The following XKR9 variants were observed in gnomAD, a reference collection of about 807,000 sequenced individuals.
XKR9 encodes XK related 9.
In XKR9, 32 loss-of-function variants were observed where a neutral mutation model predicts 32.0. The observed-to-expected ratio is 1.00, with a 90% CI of 0.76 to 1.34. The LOEUF is 1.34. Among genes scored for constraint, XKR9 ranks in the 40% most tolerant of loss-of-function variants. The probability of loss-of-function intolerance (pLI) is 0.00; values close to 1 mark genes in which losing one functional copy is unlikely to be tolerated. For synonymous variants in XKR9, 168 were observed against 143.4 expected, an observed-to-expected ratio of 1.17 and a Z score of -1.22; for missense variants, 546 against 429.7, an observed-to-expected ratio of 1.27 and a Z score of -2.39.
At chr8:70,747,694 T>A (rs1415923989) in intron 2 of XKR9, among the ~76,000 whole-genome samples, 4 of 152,184 alleles carry the variant, frequency 2.6e-5, no homozygotes, top group Non-Finnish European at 5.9e-5. Context: ...TTAAGATAGA[T>A]AGGTAGAGTC....
the XKR9 span, among the ~76,000 whole-genome samples, chr8:70,852,073 A>G: frequency 2.0e-5 from 3 of 152,264 alleles, no homozygotes; most frequent in Non-Finnish European, 4.4e-5. Flanking sequence ...CAAGGAACTT[A>G]AACAGATTTA....
At chr8:70,992,679 C>A in the XKR9 span, among the ~76,000 whole-genome samples, 1 of 152,206 alleles carries the variant, frequency 6.6e-6, no homozygotes, top group Non-Finnish European at 1.5e-5. Context: ...CTGATATTTC[C>A]TGTTTACTAG....
intron 2 of XKR9, among the ~76,000 whole-genome samples, chr8:70,746,819 T>C (rs535738629): frequency 6.6e-6 from 1 of 152,084 alleles, no homozygotes; most frequent in Non-Finnish European, 1.5e-5. Flanking sequence ...GTTACATTGG[T>C]ATATTATGTG....
chr8:71,022,444 T>C, the XKR9 span, among the ~76,000 whole-genome samples: 1 of 152,154 alleles, frequency 6.6e-6, no homozygotes, highest in African/African-American at 2.4e-5. Context: ...AAATATATTA[T>C]CCCACTCTAT....
chr8:70,869,719 G>A, the XKR9 span, among the ~76,000 whole-genome samples: 2 of 152,292 alleles, frequency 1.3e-5, no homozygotes, highest in East Asian at 1.9e-4. Context: ...TTAGAACTAT[G>A]TTTTAAGACT....
At chr8:70,680,423 T>C (rs943644283) in intron 2 of XKR9, among the ~76,000 whole-genome samples, 2 of 152,176 alleles carry the variant, frequency 1.3e-5, no homozygotes, top group South Asian at 2.1e-4. Context: ...TTACAACTAT[T>C]GCACCTTTGT....
chr8:70,940,941 C>G, the XKR9 span, among the ~76,000 whole-genome samples: 1 of 152,096 alleles, frequency 6.6e-6, no homozygotes, highest in East Asian at 1.9e-4. Context: ...GCCATAAGAA[C>G]TATAGGTGCC....
chr8:70,885,321 G>T, the XKR9 span, among the ~76,000 whole-genome samples: 1 of 152,034 alleles, frequency 6.6e-6, no homozygotes, highest in African/African-American at 2.4e-5. Flanking sequence ...CCAGTGCAAT[G>T]ACTTATGGGT....
chr8:70,773,724 A>G (rs565776541), intron 2 of XKR9, among the ~76,000 whole-genome samples: 2 of 152,206 alleles, frequency 1.3e-5, no homozygotes, highest in African/African-American at 2.4e-5. Context: ...TATGAAGGCA[A>G]TGAATCAACA....
At chr8:70,687,776 T>C (rs1819355564) in intron 3 of XKR9, among the ~76,000 whole-genome samples, 1 of 152,224 alleles carries the variant, frequency 6.6e-6, no homozygotes, top group Admixed American at 6.5e-5. Context: ...ATTTTAATGT[T>C]GATTTTTAAT....
chr8:70,935,190 TA>T, the XKR9 span, among the ~76,000 whole-genome samples: 1 of 69,342 alleles, frequency 1.4e-5, no homozygotes, highest in Non-Finnish European at 2.7e-5. Flanking sequence ...TATACATATA[TA>T]TATACATATA....
At position 70,734,508 on chromosome 8, in the gene XKR9, CTTATT is replaced by C; in HGVS notation, c.*87_*91del. On this transcript the variant is annotated 3_prime_UTR_variant, in exon 5 of 5. Coordinates refer to ENST00000408926, the MANE Select transcript of XKR9 (RefSeq NM_001011720.2). ...TGTGTGTTATGTGGGTGTGTTGTCT[CTTATT>C]TTTGCCACCTTTAATTTGAAATTAG... The C allele has an allele frequency of 7.3e-7, 1 of 1,376,580 alleles. No homozygotes were observed. Among genetic ancestry groups the C allele is most frequent in the Non-Finnish European group, 9.3e-7 (1 of 1,070,836 alleles). The allele number at this position is 1,376,580 out of a possible 1,614,324, so 85.3% of individuals were successfully genotyped here. A position where few individuals can be genotyped will look rare whatever the true frequency, so the allele number is the denominator to read the frequency against.
At chr8:70,744,876 G>A (rs1253816309) in intron 2 of XKR9, among the ~76,000 whole-genome samples, 2 of 150,060 alleles carry the variant, frequency 1.3e-5, no homozygotes, top group Non-Finnish European at 1.5e-5. Flanking sequence ...AAAGTGCTGG[G>A]ATTACAGGCA....
At chr8:70,900,883 C>G in the XKR9 span, among the ~76,000 whole-genome samples, 1 of 152,084 alleles carries the variant, frequency 6.6e-6, no homozygotes, top group Non-Finnish European at 1.5e-5. Flanking sequence ...TGTTCAATTC[C>G]CACCTATGAG....
the XKR9 span, among the ~76,000 whole-genome samples, chr8:71,031,648 G>C: frequency 1.3e-5 from 2 of 152,134 alleles, no homozygotes; most frequent in African/African-American, 4.8e-5. Flanking sequence ...ATATACAAAT[G>C]CTTGTTCTTA....
At chr8:70,855,426 G>T in the XKR9 span, among the ~76,000 whole-genome samples, 1 of 152,006 alleles carries the variant, frequency 6.6e-6, no homozygotes, top group Non-Finnish European at 1.5e-5. Flanking sequence ...GAAGTTTAGA[G>T]AAAAAGAATA....
intron 2 of XKR9, among the ~76,000 whole-genome samples, chr8:70,744,462 C>T (rs1188434533): frequency 6.6e-6 from 1 of 152,082 alleles, no homozygotes; most frequent in African/African-American, 2.4e-5. Flanking sequence ...AGAACCAAGG[C>T]TCATAGAGTT....
At chr8:70,758,133 G>A (rs1807255192) in intron 2 of XKR9, among the ~76,000 whole-genome samples, 1 of 152,164 alleles carries the variant, frequency 6.6e-6, no homozygotes, top group South Asian at 2.1e-4. Flanking sequence ...TGATTGGCTG[G>A]ATTATTATAG....
At chr8:70,832,014 A>G in the XKR9 span, among the ~76,000 whole-genome samples, 2 of 152,242 alleles carry the variant, frequency 1.3e-5, no homozygotes, top group East Asian at 1.9e-4. Context: ...ACCTAATTCC[A>G]TCTCAGGGTC....
Sources: allele counts gnomAD v4.1 joint callset (sites outside exome capture counted in the v4.1 genomes callset), GRCh38; gene constraint gnomAD v4.1.1; transcripts MANE v1.5; gene names NCBI Gene and HGNC (gene_info 2026-07-23, HGNC 2026-07-21).